HMGA2: variants seen among roughly 807,000 people sequenced by gnomAD.
The protein encoded by HMGA2 is high mobility group AT-hook 2.
HMGA2 carries 8 observed loss-of-function variants against 19.1 expected under a neutral mutation model. That is an observed-to-expected ratio of 0.42 (90% CI 0.25 to 0.76). The LOEUF is 0.76. HMGA2 is among the 30% of genes least tolerant of loss of function. HMGA2 has a pLI of 0.28. For missense variants in HMGA2, 109 were observed against 136.3 expected (o/e 0.80, Z 1.00); for synonymous variants, 60 against 48.8 (o/e 1.23, Z -0.96).
intron 3 of HMGA2, among the ~76,000 whole-genome samples, chr12:65,887,026 A>G (rs1229824920): frequency 6.6e-6 from 1 of 152,232 alleles, no homozygotes; most frequent in East Asian, 1.9e-4. Context: ...CATGTTCCCC[A>G]TGGCTCAAAA....
At chr12:65,904,685 T>G (rs1196207130) in intron 3 of HMGA2, among the ~76,000 whole-genome samples, 2 of 152,198 alleles carry the variant, frequency 1.3e-5, no homozygotes, top group Non-Finnish European at 2.9e-5. Context: ...TGATACTAAT[T>G]ACTTATTTTA....
At chr12:65,827,380 A>G (rs1213353257) in intron 1 of HMGA2, among the ~76,000 whole-genome samples, 2 of 152,256 alleles carry the variant, frequency 1.3e-5, no homozygotes, top group African/African-American at 4.8e-5. Flanking sequence ...TAGATGATTC[A>G]AGCAAAACCT....
chr12:65,883,447 C>G (rs1873525525), intron 3 of HMGA2, among the ~76,000 whole-genome samples: 1 of 152,196 alleles, frequency 6.6e-6, no homozygotes, highest in African/African-American at 2.4e-5. Context: ...TCAGTTTCCA[C>G]AACAACCTTA....
chr12:65,956,453 G>T (rs770472383), intron 4 of HMGA2: 2 of 152,236 alleles, frequency 1.3e-5, no homozygotes, highest in African/African-American at 2.4e-5. Flanking sequence ...GGACATAGAA[G>T]CACAGGGAAA....
At chr12:65,865,640 T>TC (rs1420579875) in intron 3 of HMGA2, among the ~76,000 whole-genome samples, 2 of 147,098 alleles carry the variant, frequency 1.4e-5, no homozygotes, top group African/African-American at 5.0e-5. Context: ...TTTCTTTTTT[T>TC]TTTTTTTTTT....
At chr12:65,946,114 A>G (rs925933544) in intron 3 of HMGA2, among the ~76,000 whole-genome samples, 2 of 152,230 alleles carry the variant, frequency 1.3e-5, no homozygotes, top group South Asian at 2.1e-4. Flanking sequence ...TGTAACTCTC[A>G]TTGAGGAATT....
At chr12:65,942,031 G>A (rs1465155705) in intron 3 of HMGA2, among the ~76,000 whole-genome samples, 2 of 152,046 alleles carry the variant, frequency 1.3e-5, no homozygotes, top group Non-Finnish European at 2.9e-5. Flanking sequence ...TATCTTAAAG[G>A]GACTTTCAAG....
At chr12:65,863,326 C>G (rs141072872) in intron 3 of HMGA2, among the ~76,000 whole-genome samples, 4 of 152,330 alleles carry the variant, frequency 2.6e-5, no homozygotes, top group African/African-American at 9.6e-5. Flanking sequence ...TTGGCTGTAC[C>G]TTCCTTTCTG....
At chr12:65,957,586 C>G (rs1407867128) in intron 4 of HMGA2, 1 of 152,086 alleles carries the variant, frequency 6.6e-6, no homozygotes, top group Non-Finnish European at 1.5e-5. Context: ...AGAATTGAAC[C>G]TGGCATGGAA....
At chr12:65,830,509 A>G (rs1237081531) in intron 2 of HMGA2, among the ~76,000 whole-genome samples, 1 of 151,952 alleles carries the variant, frequency 6.6e-6, no homozygotes, top group African/African-American at 2.4e-5. Flanking sequence ...ATCACAATGC[A>G]AAATACATTG....
At chr12:65,859,833 C>T (rs144728622) in intron 3 of HMGA2, 318 of 215,386 alleles carry the variant, frequency 1.5e-3, no homozygotes, top group Non-Finnish European at 2.2e-3. Flanking sequence ...CTTGTAGTCC[C>T]AGCATTTTGG....
chr12:65,843,197 T>C (rs1042182238), intron 3 of HMGA2: 5 of 225,708 alleles, frequency 2.2e-5, no homozygotes, highest in African/African-American at 4.5e-5. Context: ...TTCACTTCAA[T>C]TGGTCACTAG....
intron 3 of HMGA2, 58 bp from the exon 4 acceptor site, chr12:65,951,325 A>C: frequency 9.0e-7 from 1 of 1,106,234 alleles, no homozygotes; most frequent in Non-Finnish European, 1.3e-6. Flanking sequence ...ATGTACACCT[A>C]ATTTTTTCTA....
At chr12:65,960,034 T>C (rs922806605) in intron 4 of HMGA2, among the ~76,000 whole-genome samples, 20 of 152,034 alleles carry the variant, frequency 1.3e-4, no homozygotes, top group African/African-American at 4.8e-4. Context: ...GGACTTCAGG[T>C]GCCCGCCACC....
chr12:65,840,516 C>T (rs1233376434), intron 3 of HMGA2, among the ~76,000 whole-genome samples: 1 of 152,200 alleles, frequency 6.6e-6, no homozygotes, highest in African/African-American at 2.4e-5. Flanking sequence ...TTCTTACATG[C>T]ACTCAGGACT....
chr12:65,846,437 G>C (rs1232381361), intron 3 of HMGA2, among the ~76,000 whole-genome samples: 1 of 152,190 alleles, frequency 6.6e-6, no homozygotes, highest in Non-Finnish European at 1.5e-5. Flanking sequence ...AAAGAGTCCT[G>C]TTTGGGTGTT....
chr12:65,853,106 A>G (rs1871557607), intron 3 of HMGA2, among the ~76,000 whole-genome samples: 2 of 152,138 alleles, frequency 1.3e-5, no homozygotes, highest in Admixed American at 1.3e-4. Context: ...TTGCCGACTG[A>G]CGTGTGGGGA....
chr12:65,842,529 T>C (rs1871045029), intron 3 of HMGA2: 7 of 1,269,234 alleles, frequency 5.5e-6, no homozygotes, highest in Non-Finnish European at 7.7e-6. Context: ...TGAATATTAA[T>C]CAAGTTTAAG....
chr12:65,900,780 T>C (rs1488662029), intron 3 of HMGA2, among the ~76,000 whole-genome samples: 1 of 152,184 alleles, frequency 6.6e-6, no homozygotes, highest in African/African-American at 2.4e-5. Context: ...AGGCCATTGT[T>C]TTGAAGGGAG....
Sources: gnomAD v4.1 joint callset for allele counts (sites outside exome capture counted in the v4.1 genomes callset) on GRCh38, gnomAD v4.1.1 for gene constraint, MANE v1.5 for transcripts, NCBI Gene and HGNC (gene_info 2026-07-23, HGNC 2026-07-21) for gene names.